Variants in GPM6B observed in about 807,000 individuals in gnomAD.
GPM6B encodes neuronal membrane glycoprotein M6-b.
Under a neutral mutation model 27.2 loss-of-function variants are expected in GPM6B, and 4 were observed. The ratio of observed to expected loss-of-function variants is 0.15; its 90% CI spans 0.07 to 0.34. GPM6B has a LOEUF of 0.34. Ranked by LOEUF, GPM6B falls within the 10% of genes least tolerant of loss-of-function variation. GPM6B has a pLI of 1.00. For synonymous variants in GPM6B, 124 were observed against 103.1 expected (o/e 1.20, Z -1.23); for missense variants, 183 against 261.9 (o/e 0.70, Z 2.08).
chrX:13,920,126 G>C (rs1471391764), intron 1 of GPM6B, among the ~76,000 whole-genome samples: 2 of 109,071 alleles, frequency 1.8e-5, no homozygotes, highest in African/African-American at 6.7e-5. Context: ...AGCCAGGCGT[G>C]GTGGCACGCA....
intron 2 of GPM6B, among the ~76,000 whole-genome samples, chrX:13,804,813 GAAA>G (rs11371329): frequency 2.0e-5 from 2 of 98,525 alleles, no homozygotes; most frequent in African/African-American, 3.7e-5. Flanking sequence ...AAAAAAAAAA[GAAA>G]AAAAAAAGAG....
chrX:13,784,270 G>T (rs1174901466), intron 3 of GPM6B, among the ~76,000 whole-genome samples: 1 of 112,357 alleles, frequency 8.9e-6, no homozygotes, highest in Non-Finnish European at 1.9e-5. Flanking sequence ...TTTTCTTAAA[G>T]CTTCTCAGAA....
chrX:13,853,342 G>C (rs2049741477), intron 1 of GPM6B, among the ~76,000 whole-genome samples: 1 of 110,695 alleles, frequency 9.0e-6, no homozygotes, highest in African/African-American at 3.3e-5. Flanking sequence ...AGTGGCTCAT[G>C]CCTGTAATCC....
At chrX:13,897,950 T>C (rs151129490) in intron 1 of GPM6B, among the ~76,000 whole-genome samples, 1,555 of 112,164 alleles carry the variant, frequency 0.014, 28 homozygotes, top group African/African-American at 0.047. Context: ...TTAACTGCAT[T>C]TCTTTATATT....
intron 1 of GPM6B, among the ~76,000 whole-genome samples, chrX:13,873,248 G>A (rs1216846166): frequency 1.8e-5 from 2 of 110,228 alleles, no homozygotes; most frequent in African/African-American, 6.6e-5. Flanking sequence ...GAAGTGCTTT[G>A]CCCCCACTAC....
intron 7 of GPM6B, chrX:13,774,220 G>A: frequency 3.9e-6 from 3 of 770,727 alleles, no homozygotes; most frequent in South Asian, 1.3e-4. Flanking sequence ...AACAGAAAAT[G>A]TAAGTATTCC....
intron 1 of GPM6B, among the ~76,000 whole-genome samples, chrX:13,868,451 T>G (rs1423042940): frequency 8.9e-6 from 1 of 111,938 alleles, no homozygotes; most frequent in African/African-American, 3.2e-5. Context: ...TTCTTGCATT[T>G]CCTTATATTC....
chrX:13,796,272 T>G (rs913080803), intron 2 of GPM6B, among the ~76,000 whole-genome samples: 1 of 111,576 alleles, frequency 9.0e-6, no homozygotes, highest in Non-Finnish European at 1.9e-5. Context: ...TTTCGCCATG[T>G]TGACCAGGCT....
chrX:13,782,903 A>C (rs2048544831), intron 4 of GPM6B, among the ~76,000 whole-genome samples: 1 of 112,277 alleles, frequency 8.9e-6, no homozygotes, highest in African/African-American at 3.2e-5. Flanking sequence ...CCTGTGTTTT[A>C]ATCTTTGCAC....
In GPM6B at chrX:13,865,387, G is replaced by A. The variant is rs138918817; in HGVS notation, c.-198+72940C>T. ...ACATTGTGATAAAAAACAGCAAAGA[G>A]GTCACGGGCCAAATTCACGGATTTA... On this transcript the variant is annotated intron_variant, in intron 1 of 6. Coordinates refer to the GPM6B transcript ENST00000398361. Among the ~76,000 whole-genome samples the A allele has an allele frequency of 4.6e-3, 497 of 107,200 alleles. 3 individuals are homozygous for A. The highest frequency in any genetic ancestry group is 0.013 in the East Asian group (44 of 3,502). The allele number at this position is 107,200 out of a possible 115,157, so 93.1% of individuals were successfully genotyped here. A position where few individuals can be genotyped will look rare whatever the true frequency, so the allele number is the denominator to read the frequency against.
upstream of GPM6B, among the ~76,000 whole-genome samples, chrX:13,820,941 G>A (rs1054368070): frequency 2.7e-4 from 30 of 111,180 alleles, no homozygotes; most frequent in Non-Finnish European, 5.7e-5. Flanking sequence ...AAAGGTAAAG[G>A]AAAAACTTTA....
chrX:13,775,176 AACAT>A lies in GPM6B; in HGVS notation c.837+1058_837+1061del, dbSNP rs201867252. ...AGCCCTCCAAAATTACATGTATACA[AACAT>A]ACATACATAAGAGCGTGTATTTATA... On this transcript the variant is annotated intron_variant, in intron 7 of 7. Transcript: ENST00000316715. 6.6e-3 allele frequency among the ~76,000 whole-genome samples: 747 copies of A among 112,950 alleles called. 6 individuals carry two copies. Among genetic ancestry groups the A allele is most frequent in the African/African-American group, 0.023 (707 of 31,103 alleles).
At chrX:13,924,939 T>A (rs1043532890) in intron 1 of GPM6B, among the ~76,000 whole-genome samples, 1 of 112,388 alleles carries the variant, frequency 8.9e-6, no homozygotes, top group African/African-American at 3.2e-5. Flanking sequence ...TCATTCTGCA[T>A]CAATATGACA....
chrX:13,859,727 G>A (rs1206099896), intron 1 of GPM6B, among the ~76,000 whole-genome samples: 1 of 111,323 alleles, frequency 9.0e-6, no homozygotes, highest in Non-Finnish European at 1.9e-5. Flanking sequence ...GTCCGGATTT[G>A]AACCCAGCTA....
At chrX:13,779,005 C>T (rs2048466401) in intron 5 of GPM6B, among the ~76,000 whole-genome samples, 1 of 111,712 alleles carries the variant, frequency 9.0e-6, no homozygotes. Flanking sequence ...CAGTTATTTC[C>T]TCTTCAATTC....
At chrX:13,797,724 C>T (rs1418171935) in intron 2 of GPM6B, among the ~76,000 whole-genome samples, 1 of 111,243 alleles carries the variant, frequency 9.0e-6, no homozygotes, top group Non-Finnish European at 1.9e-5. Context: ...TGGGTGCAAG[C>T]TCAACTCTTC....
At chrX:13,837,482 G>T (rs781134218) in intron 1 of GPM6B, among the ~76,000 whole-genome samples, 2 of 111,212 alleles carry the variant, frequency 1.8e-5, no homozygotes, top group South Asian at 3.8e-4. Context: ...AGACCCAGGG[G>T]GGCTTCACGG....
At chrX:13,827,856 G>A (rs917906452) in intron 1 of GPM6B, among the ~76,000 whole-genome samples, 10 of 111,909 alleles carry the variant, frequency 8.9e-5, no homozygotes, top group Admixed American at 7.6e-4. Flanking sequence ...AAGCCTTCAC[G>A]CCTTGATGCT....
chrX:13,833,563 A>AAAAC (rs1370121552), intron 1 of GPM6B, among the ~76,000 whole-genome samples: 2 of 107,014 alleles, frequency 1.9e-5, no homozygotes, highest in South Asian at 4.2e-4. Flanking sequence ...AAAAAAAAAA[A>AAAAC]AAAAAACTAG....
Sources: gnomAD v4.1 joint callset for allele counts (sites outside exome capture counted in the v4.1 genomes callset) on GRCh38, gnomAD v4.1.1 for gene constraint, MANE v1.5 for transcripts, NCBI Gene and HGNC (gene_info 2026-07-23, HGNC 2026-07-21) for gene names.